CELF2: variants seen among roughly 807,000 people sequenced by gnomAD.
CELF2 encodes the protein CUGBP Elav-like family member 2, also known as CUG triplet repeat RNA-binding protein 2.
In CELF2, 8 loss-of-function variants were observed where a neutral mutation model predicts 62.6. That is an observed-to-expected ratio of 0.13 (90% confidence interval 0.07 to 0.23). The LOEUF is 0.23. Among genes scored for constraint, CELF2 ranks in the 10% least tolerant of loss-of-function variants. The pLI, the probability that CELF2 is intolerant of heterozygous loss-of-function variation, is 1.00. For missense variants in CELF2, 333 were observed against 671.0 expected (o/e 0.50, Z 5.56); for synonymous variants, 258 against 250.0 (o/e 1.03, Z -0.30).
At chr10:10,464,238 G>T in the CELF2 span, among the ~76,000 whole-genome samples, 1 of 152,110 alleles carries the variant, frequency 6.6e-6, no homozygotes, top group Admixed American at 6.6e-5. Context: ...AAATGCTGTG[G>T]AGTTAATAGT....
chr10:10,618,782 T>C, the CELF2 span, among the ~76,000 whole-genome samples: 199 of 152,110 alleles, frequency 1.3e-3, 3 homozygotes, highest in African/African-American at 4.6e-3. Flanking sequence ...AGAGGTTTGA[T>C]AGGCAAGAGA....
chr10:10,838,550 TATTAA>T (rs1388105682), intron 1 of CELF2, among the ~76,000 whole-genome samples: 1 of 152,216 alleles, frequency 6.6e-6, no homozygotes, highest in Non-Finnish European at 1.5e-5. Context: ...TTTATTTAGG[TATTAA>T]ATTATTTATT....
chr10:10,690,156 A>G, the CELF2 span, among the ~76,000 whole-genome samples: 1 of 152,314 alleles, frequency 6.6e-6, no homozygotes, highest in Middle Eastern at 3.4e-3. Context: ...TTCTAAGACT[A>G]TATAGGTTTC....
At chr10:11,292,675 A>G (rs1280186254) in intron 9 of CELF2, among the ~76,000 whole-genome samples, 6 of 152,180 alleles carry the variant, frequency 3.9e-5, no homozygotes, top group African/African-American at 1.2e-4. Flanking sequence ...ACAGGTGGAC[A>G]AAGAGGCTGT....
At chr10:11,239,159 A>G (rs1209046878) in intron 3 of CELF2, among the ~76,000 whole-genome samples, 3 of 152,196 alleles carry the variant, frequency 2.0e-5, no homozygotes, top group Non-Finnish European at 2.9e-5. Flanking sequence ...ACCCAGAGTA[A>G]TCTAGTTTTC....
At chr10:10,949,492 T>C (rs1376130319) in intron 2 of CELF2, among the ~76,000 whole-genome samples, 4 of 152,000 alleles carry the variant, frequency 2.6e-5, no homozygotes, top group Non-Finnish European at 2.9e-5. Context: ...GTTTTGTCTT[T>C]TAAAAACCTC....
intron 1 of CELF2, among the ~76,000 whole-genome samples, chr10:10,895,004 C>A (rs943708603): frequency 6.6e-6 from 1 of 152,156 alleles, no homozygotes; most frequent in Non-Finnish European, 1.5e-5. Context: ...GTGCTAGCTA[C>A]TATATGCCTG....
At chr10:10,759,601 G>A in the CELF2 span, among the ~76,000 whole-genome samples, 16 of 151,922 alleles carry the variant, frequency 1.1e-4, no homozygotes, top group Non-Finnish European at 1.5e-4. Flanking sequence ...GAACTACCAC[G>A]TCTGACCTAG....
intron 1 of CELF2, among the ~76,000 whole-genome samples, chr10:10,852,566 T>G (rs544441920): frequency 2.0e-5 from 3 of 152,166 alleles, no homozygotes; most frequent in African/African-American, 7.2e-5. Flanking sequence ...TGTGGCAAAA[T>G]TGAATGGAAG....
the CELF2 span, among the ~76,000 whole-genome samples, chr10:10,478,384 C>G: frequency 6.6e-6 from 1 of 152,104 alleles, no homozygotes; most frequent in African/African-American, 2.4e-5. Flanking sequence ...GATTGATATT[C>G]AAACAAACAT....
rs2046407333 is a variant in CELF2 at position 10,936,509 on chromosome 10, T to C, written c.89+16510T>C. 1 of 152,210 alleles carries C rather than the reference T, an allele frequency of 6.6e-6. No individual in the cohort carries two copies. The allele number at this position is 152,210 out of a possible 1,614,324, so 9.4% of individuals were successfully genotyped here. ...GTCCTCATGACCACACTGTGTGGGA[T>C]CACTGGACAAGCTAACATTTTCTTG... is the stretch of plus-strand genomic sequence containing the variant. On this transcript the variant is annotated intron_variant, in intron 2 of 13. Coordinates refer to the CELF2 transcript ENST00000636488. This position sits in a 1 kb window ranked among gnomAD's most constrained non-coding sequence, Gnocchi z 4.0.
In CELF2 at chr10:10,862,407, T is replaced by A. The variant is rs536453861; in HGVS notation, c.54-57557T>A. ...TCGCCTGGTTGGTGGTTGATGCTGGTTGTCATCTGGAACTCATTTGGGCTG... is the reference window on the plus strand; with the variant it reads ...TCGCCTGGTTGGTGGTTGATGCTGGATGTCATCTGGAACTCATTTGGGCTG... On this transcript the variant is annotated intron_variant, in intron 1 of 13. Transcript: ENST00000636488. Among the ~76,000 whole-genome samples the A allele has an allele frequency of 4.2e-4, 64 of 152,276 alleles. 1 individual carries two copies. The South Asian group carries it at 0.013, about 30-fold the overall frequency.
chr10:11,009,678 A>T (rs548097221), intron 1 of CELF2, among the ~76,000 whole-genome samples: 1 of 152,120 alleles, frequency 6.6e-6, no homozygotes, highest in Non-Finnish European at 1.5e-5. Flanking sequence ...TTCCAGGTTG[A>T]CCCGCCCATG....
intron 2 of CELF2, chr10:10,927,359 A>AAC (rs1554884985): frequency 6.2e-5 from 7 of 113,334 alleles, no homozygotes; most frequent in Non-Finnish European, 1.1e-4. Flanking sequence ...AAAAAAAAAA[A>AAC]AAAAAAACAC....
the CELF2 span, among the ~76,000 whole-genome samples, chr10:10,494,011 T>C: frequency 5.4e-4 from 82 of 152,322 alleles, 1 homozygote; most frequent in African/African-American, 1.9e-3. Flanking sequence ...TTCTTTGTTC[T>C]CAGGGGCCCT....
At chr10:10,617,914 G>A in the CELF2 span, among the ~76,000 whole-genome samples, 1 of 152,018 alleles carries the variant, frequency 6.6e-6, no homozygotes, top group South Asian at 2.1e-4. Context: ...ACATTTTTAT[G>A]CTGGAACCAG....
Position 11,293,124 on chromosome 10 carries a change from C to G in CELF2, c.976+4572C>G, listed in dbSNP as rs570237292. Among the ~76,000 whole-genome samples, 73 of 152,346 alleles carry G rather than the reference C, an allele frequency of 4.8e-4. 1 individual carries two copies. Among genetic ancestry groups the G allele is most frequent in the Non-Finnish European group, 9.1e-4 (62 of 68,042 alleles). ...CACACTCGCCCAGATCAGGCCACCC[C>G]CCGTAGCCCAGCCACGCCGTCGGCC... On this transcript the variant is annotated intron_variant, in intron 9 of 12. Transcript: ENST00000633077.
chr10:10,674,488 A>T, the CELF2 span, among the ~76,000 whole-genome samples: 1 of 152,188 alleles, frequency 6.6e-6, no homozygotes, highest in South Asian at 2.1e-4. Context: ...CTGTGTTTTC[A>T]TTGCTGCATT....
At chr10:11,147,488 C>T (rs941408298) in intron 1 of CELF2, among the ~76,000 whole-genome samples, 4 of 152,060 alleles carry the variant, frequency 2.6e-5, no homozygotes, top group African/African-American at 9.7e-5. Flanking sequence ...CTTTTAATAT[C>T]GTGAGCCCCA....
Sources: allele counts gnomAD v4.1 joint callset (sites outside exome capture counted in the v4.1 genomes callset), GRCh38; gene constraint gnomAD v4.1.1; non-coding constraint Gnocchi (gnomAD v3.1); transcripts MANE v1.5; gene names NCBI Gene and HGNC (gene_info 2026-07-23, HGNC 2026-07-21).